The following DNAH11 variants were observed in gnomAD, a reference collection of about 807,000 sequenced individuals.
DNAH11 encodes the protein axonemal beta dynein heavy chain 11.
In DNAH11, 442 loss-of-function variants were observed where a neutral mutation model predicts 526.0. That is an observed-to-expected ratio of 0.84 (90% CI 0.78 to 0.91). DNAH11 has a LOEUF of 0.91. Ranked by LOEUF, DNAH11 falls within the 40% of genes least tolerant of loss-of-function variation. The pLI, the probability that DNAH11 is intolerant of heterozygous loss-of-function variation, is 0.00. For missense variants in DNAH11, 6,989 were observed against 5,448.7 expected (o/e 1.28, Z -8.90); for synonymous variants, 2,461 against 1,935.9 (o/e 1.27, Z -7.12).
chr7:21,870,966 A>G (rs1783472430), intron 73 of DNAH11, among the ~76,000 whole-genome samples: 1 of 152,280 alleles, frequency 6.6e-6, no homozygotes, highest in African/African-American at 2.4e-5. Context: ...AAAGAGAAGC[A>G]GGACTTTGAA....
At chr7:21,554,631 A>G (rs1317334300) in intron 2 of DNAH11, among the ~76,000 whole-genome samples, 4 of 152,128 alleles carry the variant, frequency 2.6e-5, no homozygotes, top group Admixed American at 2.6e-4. Flanking sequence ...TACTTGTGAT[A>G]GATATCATTT....
chr7:21,543,313 C>T lies in DNAH11; in HGVS notation c.68C>T (p.Ser23Leu), dbSNP rs745842220. The T allele has an allele frequency of 2.4e-5, 37 of 1,549,816 alleles. No individual in the cohort carries two copies. The highest frequency in any genetic ancestry group is 2.9e-5 in the Non-Finnish European group (33 of 1,146,404). ...FREAPTLRLT[S>L]GAGLEAVGAV... ...GAAGCCCCGACCCTTCGCCTAACCT[C>T]GGGGGCCGGCCTGGAGGCAGTGGGC... Residue 23 changes from serine (S) to leucine (L), a missense_variant, in exon 1 of 82, where the codon TCG becomes TTG. Coordinates refer to ENST00000409508, the MANE Select transcript of DNAH11 (RefSeq NM_001277115.2).
intron 30 of DNAH11, among the ~76,000 whole-genome samples, chr7:21,672,914 A>G (rs1782703522): frequency 6.6e-6 from 1 of 152,168 alleles, no homozygotes; most frequent in Non-Finnish European, 1.5e-5. Flanking sequence ...ACATTGTCCT[A>G]CATGGTGAAC....
chr7:21,655,785 A>G (rs749139645), intron 28 of DNAH11, 47 bp from the exon 29 acceptor site: 18 of 1,549,396 alleles, frequency 1.2e-5, no homozygotes, highest in East Asian at 2.3e-5. Flanking sequence ...ATCAGAATAT[A>G]CCTACAGTAA....
In DNAH11 at chr7:21,735,799, T is replaced by C. The variant is rs777699962; in HGVS notation, c.7600T>C (p.Ser2534Pro). The C allele has an allele frequency of 3.1e-6, 5 of 1,613,742 alleles. No individual in the cohort carries two copies. The African/African-American group carries it at 5.3e-5, about 17-fold the overall frequency. Residue 2534 changes from serine to proline, a missense_variant, in exon 46 of 82, where the codon TCC (serine) becomes CCC (proline). Transcript: ENST00000409508. The part of the protein sequence containing the change: ...LASLSEDYIV[S>P]RVPFNYYTTS... ...AAGTCTCTCTGAGGATTACATAGTA[T>C]CCCGTGTGCCTTTCAACTACTACAC... is the stretch of plus-strand genomic sequence containing the variant.
intron 76 of DNAH11, among the ~76,000 whole-genome samples, chr7:21,891,181 G>C (rs1046017954): frequency 1.3e-5 from 2 of 152,128 alleles, no homozygotes; most frequent in Non-Finnish European, 2.9e-5. Context: ...ACTGGGTGGT[G>C]GGTACATATT....
In DNAH11 at chr7:21,720,745, GT is replaced by G; in HGVS notation, c.7156del (p.Cys2386AlafsTer3). The part of the protein sequence containing the change: ...LVQTLCVLLE[C>X]LLTPENVPSD... ...TTTAGACTCTATGTGTTCTTTTGGA[GT>G]GCTTGCTGACTCCTGAAAATGTACC... On this transcript the variant is annotated frameshift_variant, in exon 44 of 82. Coordinates refer to ENST00000409508, the MANE Select transcript of DNAH11 (RefSeq NM_001277115.2). LOFTEE classifies it high-confidence loss of function. 6.3e-7 allele frequency: 1 copy of G among 1,582,518 alleles called. No homozygotes were observed. Among genetic ancestry groups the G allele is most frequent in the Non-Finnish European group, 8.6e-7 (1 of 1,162,904 alleles).
chr7:21,825,757 A>G (rs1790259268), intron 65 of DNAH11, among the ~76,000 whole-genome samples: 1 of 152,090 alleles, frequency 6.6e-6, no homozygotes, highest in Non-Finnish European at 1.5e-5. Flanking sequence ...CAGGAGATCG[A>G]GACCAACCTG....
chr7:21,717,813 C>G lies in DNAH11; in HGVS notation c.7022C>G (p.Ser2341Ter), dbSNP rs2128482959. 2 of 1,613,840 alleles carry G rather than the reference C, an allele frequency of 1.2e-6. No homozygotes were observed. Among genetic ancestry groups the G allele is most frequent in the East Asian group, 4.5e-5 (2 of 44,884 alleles). Reference sequence around the variant, plus strand: ...TGGATAGACAGAAGGCGGCATCAATCAGAAAAGGCCAATTTGACTATTCTT... The same window carrying G: ...TGGATAGACAGAAGGCGGCATCAATGAGAAAAGGCCAATTTGACTATTCTT... ...ASWIDRRRHQ[S>*]EKANLTILFD... Residue 2341 changes from serine (S) to a stop codon, truncating the protein, a stop_gained, in exon 43 of 82, where the codon TCA (serine) becomes TGA (stop). Transcript: ENST00000409508. LOFTEE classifies it high-confidence loss of function.
intron 45 of DNAH11, among the ~76,000 whole-genome samples, chr7:21,733,005 A>G (rs1293729577): frequency 2.0e-5 from 3 of 152,152 alleles, no homozygotes; most frequent in Non-Finnish European, 2.9e-5. Context: ...CACATCCTGC[A>G]GGAGCCAGGC....
At chr7:21,865,228 A>T (rs558957486) in intron 70 of DNAH11, among the ~76,000 whole-genome samples, 1 of 152,210 alleles carries the variant, frequency 6.6e-6, no homozygotes, top group Non-Finnish European at 1.5e-5. Flanking sequence ...ATGATGTTCA[A>T]CATATGCTAA....
chr7:21,606,765 T>G, intron 20 of DNAH11, 32 bp downstream of exon 20: 2 of 1,523,886 alleles, frequency 1.3e-6, no homozygotes, highest in Non-Finnish European at 1.8e-6. Context: ...CTGTGTGCAT[T>G]AAAATAGCTA....
chr7:21,688,732 T>C (rs1009747593), intron 34 of DNAH11, among the ~76,000 whole-genome samples: 4 of 152,260 alleles, frequency 2.6e-5, no homozygotes, highest in African/African-American at 4.8e-5. Context: ...GGCCAAGACC[T>C]TTCAAATTAT....
At chr7:21,888,510 G>A (rs181607675) in intron 76 of DNAH11, among the ~76,000 whole-genome samples, 20 of 151,766 alleles carry the variant, frequency 1.3e-4, no homozygotes, top group Admixed American at 2.6e-4. Flanking sequence ...TTCTTTTTGA[G>A]ACAGAGCCTT....
At chr7:21,802,335 A>G (rs1186687786) in intron 62 of DNAH11, among the ~76,000 whole-genome samples, 1 of 152,198 alleles carries the variant, frequency 6.6e-6, no homozygotes, top group East Asian at 1.9e-4. Flanking sequence ...ATGGACAGTA[A>G]TAGTATTGGC....
chr7:21,814,431 C>T (rs1206521058), intron 63 of DNAH11, among the ~76,000 whole-genome samples: 5 of 150,858 alleles, frequency 3.3e-5, no homozygotes, highest in Admixed American at 1.3e-4. Flanking sequence ...TAGTTACATA[C>T]GTATACGTGT....
intron 73 of DNAH11, 83 bp downstream of exon 73, chr7:21,869,074 C>G: frequency 6.4e-7 from 1 of 1,572,888 alleles, no homozygotes; most frequent in Non-Finnish European, 8.6e-7. Flanking sequence ...ACAGAATGCT[C>G]CCTTAACACC....
Position 21,543,185 on chromosome 7 carries a change from G to T in DNAH11, c.-61G>T, listed in dbSNP as rs553424997. On this transcript the variant is annotated 5_prime_UTR_variant, in exon 1 of 82. Coordinates refer to ENST00000409508, the MANE Select transcript of DNAH11 (RefSeq NM_001277115.2). Reference sequence around the variant, plus strand: ...TGCGGAGGTGTCCTCGCTCACTTCGGGGGGCCCAGAGTCTCGGGTGAGGAG... The same window carrying T: ...TGCGGAGGTGTCCTCGCTCACTTCGTGGGGCCCAGAGTCTCGGGTGAGGAG... The T allele has an allele frequency of 3.9e-4, 571 of 1,452,930 alleles. 5 individuals are homozygous for T. In the South Asian group the frequency reaches 7.6e-3, roughly 19 times the overall value. The allele number at this position is 1,452,930 out of a possible 1,614,324, so 90.0% of individuals were successfully genotyped here.
intron 65 of DNAH11, among the ~76,000 whole-genome samples, chr7:21,841,436 G>GA (rs1043062441): frequency 6.6e-6 from 1 of 152,076 alleles, no homozygotes; most frequent in Non-Finnish European, 1.5e-5. Context: ...GTTGATGAGG[G>GA]AAAAAAACAT....
Sources: allele counts gnomAD v4.1 joint callset (sites outside exome capture counted in the v4.1 genomes callset), GRCh38; gene constraint gnomAD v4.1.1; transcripts MANE v1.5; gene names NCBI Gene and HGNC (gene_info 2026-07-23, HGNC 2026-07-21).